MNAT1: variants seen among roughly 807,000 people sequenced by gnomAD.
MNAT1 encodes MNAT1 component of CDK activating kinase.
A neutral mutation model predicts 42.0 loss-of-function variants in MNAT1; 43 were observed. The ratio of observed to expected loss-of-function variants is 1.02; its 90% CI spans 0.80 to 1.32. MNAT1 has a LOEUF of 1.32. Ranked by LOEUF, MNAT1 falls within the 40% of genes most tolerant of loss-of-function variation. The probability of loss-of-function intolerance (pLI) is 0.00; values close to 1 mark genes in which losing one functional copy is unlikely to be tolerated. For missense variants in MNAT1, 306 were observed against 350.4 expected (o/e 0.87, Z 1.01); for synonymous variants, 118 against 120.0 (o/e 0.98, Z 0.11).
intron 3 of MNAT1, chr14:60,799,479 C>G (rs1040090324): frequency 2.3e-6 from 2 of 852,570 alleles, no homozygotes; most frequent in African/African-American, 1.8e-5. Flanking sequence ...TACATATATT[C>G]TAAAGGTAAT....
chr14:60,791,475 A>G (rs1490844858), intron 1 of MNAT1, among the ~76,000 whole-genome samples: 3 of 152,162 alleles, frequency 2.0e-5, no homozygotes, highest in Non-Finnish European at 4.4e-5. Context: ...ATAGATTCTG[A>G]GTTCCCTTTT....
At chr14:60,924,955 A>G (rs1396835940) in intron 7 of MNAT1, among the ~76,000 whole-genome samples, 1 of 152,238 alleles carries the variant, frequency 6.6e-6, no homozygotes, top group Non-Finnish European at 1.5e-5. Context: ...TTGTTTGCAC[A>G]TGATTTTTCC....
Position 60,969,810 on chromosome 14 carries a change from TG to T in MNAT1, c.*1462del, listed in dbSNP as rs938970532. 8 of 152,202 alleles carry T rather than the reference TG, an allele frequency of 5.3e-5. No individual in the cohort carries two copies. Among genetic ancestry groups the T allele is most frequent in the African/African-American group, 1.9e-4 (8 of 41,456 alleles). 9.4% of individuals were successfully genotyped at this position (152,202 alleles called of 1,614,324 possible). On this transcript the variant is annotated 3_prime_UTR_variant, in exon 8 of 8. Transcript: ENST00000261245. ...TCTTTTGAAAAGAAACACTACTGCT[TG>T]TTCTCATACCTTTTATAAATGTATT...
intron 1 of MNAT1, among the ~76,000 whole-genome samples, chr14:60,741,480 C>T (rs937320724): frequency 1.3e-5 from 2 of 152,084 alleles, no homozygotes; most frequent in African/African-American, 4.8e-5. Flanking sequence ...CTGCCTCAGC[C>T]TTCCGAGTAG....
intron 7 of MNAT1, among the ~76,000 whole-genome samples, chr14:60,905,610 C>T (rs2035178992): frequency 6.6e-6 from 1 of 152,120 alleles, no homozygotes; most frequent in African/African-American, 2.4e-5. Flanking sequence ...ATGTGACTCT[C>T]AGTTTGAGGT....
chr14:60,815,563 G>A (rs2032687918), intron 5 of MNAT1, among the ~76,000 whole-genome samples: 1 of 152,170 alleles, frequency 6.6e-6, no homozygotes, highest in Non-Finnish European at 1.5e-5. Context: ...TCATTGAGCT[G>A]CTATTGACAT....
At chr14:60,951,011 C>T (rs1319315224) in intron 7 of MNAT1, among the ~76,000 whole-genome samples, 2 of 151,914 alleles carry the variant, frequency 1.3e-5, no homozygotes, top group Non-Finnish European at 2.9e-5. Context: ...AGAGAGGTAG[C>T]GATAAAGTGC....
chr14:60,955,526 G>T (rs1470383980), intron 7 of MNAT1, among the ~76,000 whole-genome samples: 1 of 152,120 alleles, frequency 6.6e-6, no homozygotes, highest in African/African-American at 2.4e-5. Flanking sequence ...GCTGGGCGTG[G>T]TGGTGGGTGC....
chr14:60,942,513 TCG>T, intron 7 of MNAT1, among the ~76,000 whole-genome samples: 1 of 151,856 alleles, frequency 6.6e-6, no homozygotes, highest in East Asian at 1.9e-4. Flanking sequence ...TATAGTAATC[TCG>T]CGGTACTGAC....
At chr14:60,926,874 C>T (rs917364726) in intron 7 of MNAT1, among the ~76,000 whole-genome samples, 1 of 152,218 alleles carries the variant, frequency 6.6e-6, no homozygotes, top group Middle Eastern at 3.4e-3. Context: ...TGTGAACCAA[C>T]CCCATCCTGA....
intron 7 of MNAT1, among the ~76,000 whole-genome samples, chr14:60,907,155 G>A (rs907165921): frequency 1.3e-5 from 2 of 152,140 alleles, no homozygotes; most frequent in African/African-American, 4.8e-5. Context: ...TAAAGATGAA[G>A]AAACAGCTGG....
chr14:60,762,705 C>CAAAAAAA (rs33957783), intron 1 of MNAT1, among the ~76,000 whole-genome samples: 1 of 94,794 alleles, frequency 1.1e-5, no homozygotes, highest in Non-Finnish European at 1.9e-5. Flanking sequence ...GACTCTGTCT[C>CAAAAAAA]AAAAAAAAAA....
chr14:60,959,610 C>G (rs2036551426), intron 7 of MNAT1, among the ~76,000 whole-genome samples: 1 of 152,160 alleles, frequency 6.6e-6, no homozygotes, highest in Non-Finnish European at 1.5e-5. Flanking sequence ...TGAACTGTTT[C>G]TTTCTTTTGT....
At chr14:60,754,493 G>A (rs1000666216) in intron 1 of MNAT1, among the ~76,000 whole-genome samples, 1 of 151,958 alleles carries the variant, frequency 6.6e-6, no homozygotes, top group African/African-American at 2.4e-5. Context: ...GACTACAGGC[G>A]TGTGCCACCA....
chr14:60,749,158 AGATTT>A (rs1028127283), intron 1 of MNAT1, among the ~76,000 whole-genome samples: 2 of 152,214 alleles, frequency 1.3e-5, no homozygotes, highest in Non-Finnish European at 2.9e-5. Context: ...AAATCTATCC[AGATTT>A]GTACCTGCAG....
intron 7 of MNAT1, among the ~76,000 whole-genome samples, chr14:60,966,464 C>T (rs188218186): frequency 4.7e-4 from 71 of 152,144 alleles, no homozygotes; most frequent in Non-Finnish European, 9.1e-4. Context: ...TGGGATGTGT[C>T]CCATGAGGAT....
intron 7 of MNAT1, among the ~76,000 whole-genome samples, chr14:60,943,032 G>GCT (rs2036204496): frequency 1.5e-5 from 2 of 129,698 alleles, no homozygotes; most frequent in African/African-American, 6.0e-5. Flanking sequence ...GTGTGTGTGT[G>GCT]TGTGTGTGTG....
chr14:60,760,531 C>A (rs957596687), intron 1 of MNAT1, among the ~76,000 whole-genome samples: 4 of 152,076 alleles, frequency 2.6e-5, no homozygotes, highest in African/African-American at 9.7e-5. Context: ...AGACATAAAG[C>A]ATTTTTTTTC....
intron 1 of MNAT1, among the ~76,000 whole-genome samples, chr14:60,769,210 A>C (rs1222551979): frequency 6.6e-6 from 1 of 152,116 alleles, no homozygotes; most frequent in Non-Finnish European, 1.5e-5. Context: ...ATCTCTAAAC[A>C]GTATACTATT....
Sources: allele counts gnomAD v4.1 joint callset (sites outside exome capture counted in the v4.1 genomes callset), GRCh38; gene constraint gnomAD v4.1.1; transcripts MANE v1.5; gene names NCBI Gene and HGNC (gene_info 2026-07-23, HGNC 2026-07-21).